Variants in NIPBL observed in about 807,000 individuals in gnomAD.
NIPBL encodes the protein NIPBL cohesin loading factor, also known as nipped-B-like protein.
NIPBL carries 19 observed loss-of-function variants against 321.8 expected under a neutral mutation model. That is an observed-to-expected ratio of 0.06 (90% CI 0.04 to 0.09). The LOEUF (loss-of-function observed/expected upper bound fraction) is 0.09. Ranked by LOEUF, NIPBL falls within the 10% of genes least tolerant of loss-of-function variation. The pLI, the probability that NIPBL is intolerant of heterozygous loss-of-function variation, is 1.00. For missense variants in NIPBL, 2,210 were observed against 3,327.0 expected, an observed-to-expected ratio of 0.66 and a Z score of 8.26; for synonymous variants, 1,106 against 1,114.1, an observed-to-expected ratio of 0.99 and a Z score of 0.14.
In NIPBL at chr5:36,986,119, G is replaced by T; in HGVS notation, c.2939G>T (p.Gly980Val). 6.2e-7 allele frequency: 1 copy of T among 1,613,834 alleles called. No homozygotes were observed. The change falls in exon 10 of 47, where the codon GGA becomes GTA. Residue 980 changes from glycine to valine, a missense_variant. Gly to Val is a moderately radical substitution (Grantham distance 109). Transcript: ENST00000282516. Reference protein sequence around the residue: ...TQETKKMEMKGEPKDKVEKIG... With the variant: ...TQETKKMEMKVEPKDKVEKIG... ...GAGACAAAGAAAATGGAAATGAAAGGAGAGCCGAAAGACAAAGTAGAAAAA... is the reference window on the plus strand; with the variant it reads ...GAGACAAAGAAAATGGAAATGAAAGTAGAGCCGAAAGACAAAGTAGAAAAA...
chr5:37,045,252 G>A (rs1013908303), intron 36 of NIPBL, among the ~76,000 whole-genome samples, 191 bp from the exon 37 acceptor site: 2 of 152,138 alleles, frequency 1.3e-5, no homozygotes. Flanking sequence ...TACTTGGGAA[G>A]CTGAGGCAGG....
At chr5:36,930,291 A>T (rs1749683088) in intron 1 of NIPBL, among the ~76,000 whole-genome samples, 1 of 152,064 alleles carries the variant, frequency 6.6e-6, no homozygotes, top group Non-Finnish European at 1.5e-5. Flanking sequence ...TTAAAAATTT[A>T]TTCCCAAATA....
At position 36,985,966 on chromosome 5, in the gene NIPBL, A is replaced by G; in HGVS notation, c.2786A>G (p.Asp929Gly). 6.2e-7 allele frequency: 1 copy of G among 1,613,986 alleles called. No individual in the cohort carries two copies. Among genetic ancestry groups the G allele is most frequent in the Non-Finnish European group, 8.5e-7 (1 of 1,179,948 alleles). Residue 929 changes from aspartate (D) to glycine (G), a missense_variant, in exon 10 of 47, where the codon GAC (aspartate) becomes GGC (glycine). Asp to Gly is a moderately conservative substitution (Grantham distance 94, BLOSUM62 -1). Transcript: ENST00000282516. ...KRTEGNKSKV[D>G]TNKAHPDNKA... ...ACAGAGGGTAACAAGAGTAAAGTAG[A>G]CACTAATAAAGCACACCCTGACAAT...
At chr5:37,015,928 TA>T in intron 22 of NIPBL, 109 bp from the exon 23 acceptor site, 2 of 1,024,250 alleles carry the variant, frequency 2.0e-6, no homozygotes, top group Non-Finnish European at 3.0e-6. Flanking sequence ...ATTTTGTTAC[TA>T]AACATAGAAA....
At chr5:36,986,329 A>G (rs1292149064) in intron 10 of NIPBL, 28 bp downstream of exon 10, 3 of 1,384,906 alleles carry the variant, frequency 2.2e-6, no homozygotes, top group South Asian at 3.4e-5. Context: ...GATGTCATTT[A>G]TAATATAATC....
intron 34 of NIPBL, among the ~76,000 whole-genome samples, chr5:37,040,233 T>G (rs1482078447): frequency 6.6e-6 from 1 of 152,170 alleles, no homozygotes; most frequent in Non-Finnish European, 1.5e-5. Flanking sequence ...AAATGTCTTG[T>G]GCATTTTTTA....
intron 38 of NIPBL, among the ~76,000 whole-genome samples, chr5:37,047,990 A>G (rs1037262971): frequency 1.3e-5 from 2 of 150,926 alleles, no homozygotes; most frequent in Non-Finnish European, 3.0e-5. Flanking sequence ...ATATATTTTA[A>G]TTTTTTTTTT....
intron 21 of NIPBL, among the ~76,000 whole-genome samples, chr5:37,011,330 C>T (rs1273538071): frequency 1.3e-5 from 2 of 152,092 alleles, no homozygotes; most frequent in Non-Finnish European, 2.9e-5. Context: ...TCAAGGTGGG[C>T]AGATTGCTTG....
At position 37,027,410 on chromosome 5, in the gene NIPBL, A is replaced by T; in HGVS notation, c.5860A>T (p.Asn1954Tyr). 1 of 1,611,652 alleles carries T rather than the reference A, an allele frequency of 6.2e-7. No homozygotes were observed. Among genetic ancestry groups the T allele is most frequent in the Non-Finnish European group, 8.5e-7 (1 of 1,178,104 alleles). Residue 1954 changes from asparagine to tyrosine, a missense_variant and splice_region_variant, in exon 32 of 47, where the codon AAC becomes TAC. This residue lies in a region of NIPBL where 69 missense variants were observed against 100.8 expected (regional missense o/e 0.68). Transcript: ENST00000282516. Reference sequence around the variant, plus strand: ...TGACTGGTTTGAGCAACTGCTTCAAAACGTGAGTGTTCTTTTGACTCCTGA... The same window carrying T: ...TGACTGGTTTGAGCAACTGCTTCAATACGTGAGTGTTCTTTTGACTCCTGA... ...GYDWFEQLLQ[N>Y]LLKSEEDSSY... is the part of the protein sequence containing the mutation.
At chr5:36,931,976 G>GT (rs1243354130) in intron 1 of NIPBL, among the ~76,000 whole-genome samples, 2 of 151,904 alleles carry the variant, frequency 1.3e-5, no homozygotes, top group South Asian at 4.2e-4. Flanking sequence ...ATCCCATGAA[G>GT]TTTAATATGT....
chr5:37,007,054 C>G (rs926956123), intron 17 of NIPBL, among the ~76,000 whole-genome samples: 3 of 151,816 alleles, frequency 2.0e-5, no homozygotes, highest in African/African-American at 4.8e-5. Flanking sequence ...TCTTACTATC[C>G]TGCTCCAATG....
rs753519842 is a variant in NIPBL at position 36,993,633 on chromosome 5, T to G, written c.3122-1989T>G. On this transcript the variant is annotated intron_variant, in intron 10 of 46. Transcript: ENST00000282516. ...GAGTCAGTGTGTCTGTGATGTGAACTTAATCTAAGCAAAACACTTAGGTAC... is the reference window on the plus strand; with the variant it reads ...GAGTCAGTGTGTCTGTGATGTGAACGTAATCTAAGCAAAACACTTAGGTAC... Among the ~76,000 whole-genome samples, 32 of 152,182 alleles carry G rather than the reference T, an allele frequency of 2.1e-4. No homozygotes were observed. The Middle Eastern group carries it at 0.027, about 129-fold the overall frequency.
Position 37,066,073 on chromosome 5 carries a change from A to G in NIPBL, c.*1181A>G, listed in dbSNP as rs1310469823. Reference sequence around the variant, plus strand: ...GAGATGTTTATTCATTTTCTAATCTATGCTAAAAGCTTTTATCATAAGTCT... The same window carrying G: ...GAGATGTTTATTCATTTTCTAATCTGTGCTAAAAGCTTTTATCATAAGTCT... On this transcript the variant is annotated 3_prime_UTR_variant, in exon 47 of 47. Transcript: ENST00000282516. 6.6e-6 allele frequency: 1 copy of G among 152,166 alleles called. No homozygotes were observed. Among genetic ancestry groups the G allele is most frequent in the Non-Finnish European group, 1.5e-5 (1 of 67,990 alleles). The allele number at this position is 152,166 out of a possible 1,614,324, so 9.4% of individuals were successfully genotyped here.
At chr5:36,929,525 T>C (rs1047404608) in intron 1 of NIPBL, among the ~76,000 whole-genome samples, 2 of 152,104 alleles carry the variant, frequency 1.3e-5, no homozygotes, top group African/African-American at 4.8e-5. Context: ...CATTTTCTTA[T>C]TGATATCATT....
chr5:37,012,588 T>A (rs1748287444), intron 21 of NIPBL, among the ~76,000 whole-genome samples: 1 of 152,006 alleles, frequency 6.6e-6, no homozygotes, highest in South Asian at 2.1e-4. Flanking sequence ...CTGGTTTTCC[T>A]AGGCAGAGGA....
intron 2 of NIPBL, among the ~76,000 whole-genome samples, 174 bp downstream of exon 2, chr5:36,953,934 T>A (rs1740672172): frequency 6.6e-6 from 1 of 152,120 alleles, no homozygotes; most frequent in African/African-American, 2.4e-5. Context: ...AACTTCTTAG[T>A]GATGTTTATT....
chr5:37,037,798 A>C (rs1751879032), intron 33 of NIPBL, among the ~76,000 whole-genome samples: 1 of 151,694 alleles, frequency 6.6e-6, no homozygotes, highest in Admixed American at 6.6e-5. Flanking sequence ...GTATTTCCTG[A>C]TTAGCAACAT....
At chr5:37,026,990 A>C (rs1428672359) in intron 31 of NIPBL, among the ~76,000 whole-genome samples, 1 of 151,998 alleles carries the variant, frequency 6.6e-6, no homozygotes, top group Non-Finnish European at 1.5e-5. Context: ...TGATGTCTTT[A>C]AAATGTGCCA....
At chr5:37,013,325 G>T (rs1748455309) in intron 21 of NIPBL, among the ~76,000 whole-genome samples, 1 of 151,424 alleles carries the variant, frequency 6.6e-6, no homozygotes, top group South Asian at 2.1e-4. Context: ...TCCCGGACGG[G>T]GCGGCTGGCC....
Sources: allele counts gnomAD v4.1 joint callset (sites outside exome capture counted in the v4.1 genomes callset), GRCh38; gene constraint gnomAD v4.1.1; regional missense constraint gnomAD v4.1.1; transcripts MANE v1.5; gene names NCBI Gene and HGNC (gene_info 2026-07-23, HGNC 2026-07-21).